The following FGD3 variants were observed in gnomAD, a reference collection of about 807,000 sequenced individuals.
FGD3 encodes the protein FYVE, RhoGEF and PH domain containing 3.
In FGD3, 45 loss-of-function variants were observed where a neutral mutation model predicts 71.8. That is an observed-to-expected ratio of 0.63 (90% CI 0.49 to 0.80). FGD3 has a LOEUF of 0.80. Ranked by LOEUF, FGD3 falls within the 30% of genes least tolerant of loss-of-function variation. The pLI is 0.00. For synonymous variants in FGD3, 378 were observed against 392.8 expected, an observed-to-expected ratio of 0.96 and a Z score of 0.44; for missense variants, 844 against 951.5, an observed-to-expected ratio of 0.89 and a Z score of 1.49.
chr9:93,014,843 T>C (rs1861602530), intron 9 of FGD3, among the ~76,000 whole-genome samples: 1 of 151,820 alleles, frequency 6.6e-6, no homozygotes, highest in South Asian at 2.1e-4. Context: ...GGTTTCACCA[T>C]GTTTATCAGT....
intron 3 of FGD3, among the ~76,000 whole-genome samples, chr9:92,987,185 C>G (rs1405757190): frequency 6.6e-6 from 1 of 152,134 alleles, no homozygotes; most frequent in Non-Finnish European, 1.5e-5. Flanking sequence ...GTAATGCCAG[C>G]ACTTTGGGAG....
At chr9:92,990,056 C>T (rs1289473447) in intron 3 of FGD3, among the ~76,000 whole-genome samples, 3 of 151,056 alleles carry the variant, frequency 2.0e-5, no homozygotes, top group Admixed American at 6.6e-5. Flanking sequence ...TACTGTTGTT[C>T]GTATATTGAT....
intron 3 of FGD3, among the ~76,000 whole-genome samples, chr9:92,984,232 C>T (rs1860106657): frequency 6.6e-6 from 1 of 152,210 alleles, no homozygotes; most frequent in South Asian, 2.1e-4. Flanking sequence ...CATGCTTGGA[C>T]TTTCTGACTT....
rs899334640 is a variant in FGD3, at chr9:93,034,450, A to G, written c.1786-91A>G. 52 of 1,459,742 alleles carry G rather than the reference A, an allele frequency of 3.6e-5. No homozygotes were observed. The East Asian group carries it at 1.2e-3, about 34-fold the overall frequency. 90.4% of individuals were successfully genotyped at this position (1,459,742 alleles called of 1,614,324 possible). On this transcript the variant is annotated intron_variant, in intron 16 of 17. Coordinates refer to ENST00000375482, the MANE Select transcript of FGD3 (RefSeq NM_001083536.2). ...ATGTCTCCACAGCCAGCTCCCCCCA[A>G]GCAGTGGCCCTGGCCCTACCCCAGC...
At position 93,035,367 on chromosome 9, in the gene FGD3, C is replaced by T. The variant is rs532178501; in HGVS notation, c.1956C>T (p.Leu652=). ...GCCGGCTGCCCCGCACCATCCCTCT[C>T]CCCAGCTGCAAACTGAGTGTGCCGG... is the stretch of plus-strand genomic sequence containing the variant. ...QDGRLPRTIP[L]PSCKLSVPDP... is the part of the protein sequence containing the mutation. The change falls in exon 18 of 18, where the codon CTC becomes CTT. Residue 652 remains leucine, a synonymous_variant. Transcript: ENST00000375482. 2.5e-6 allele frequency: 4 copies of T among 1,610,674 alleles called. No individual in the cohort carries two copies. The Admixed American group carries it at 6.7e-5, about 27-fold the overall frequency.
chr9:93,003,663 C>T lies in FGD3; in HGVS notation c.544-338C>T, dbSNP rs1860941673. On this transcript the variant is annotated intron_variant, in intron 4 of 17. Coordinates refer to ENST00000375482, the MANE Select transcript of FGD3 (RefSeq NM_001083536.2). The surrounding 1 kb of genome is among the most constrained non-coding windows in gnomAD (Gnocchi z 4.1). ...CCATGGAAGCTGGGGTTTTGACAGA[C>T]AGTGCTGCTGCTGTTTTTATCTCAC... is the stretch of plus-strand genomic sequence containing the variant. Among the ~76,000 whole-genome samples, 1 of 152,194 alleles carries T rather than the reference C, an allele frequency of 6.6e-6. No individual in the cohort carries two copies. Among genetic ancestry groups the T allele is most frequent in the African/African-American group, 2.4e-5 (1 of 41,446 alleles).
At chr9:92,960,033 T>A (rs994305016) in intron 1 of FGD3, among the ~76,000 whole-genome samples, 1 of 151,988 alleles carries the variant, frequency 6.6e-6, no homozygotes, top group Non-Finnish European at 1.5e-5. Flanking sequence ...TGTGTTCCCA[T>A]GTCTCCATAT....
At chr9:92,955,895 G>A (rs1859042329) in intron 1 of FGD3, among the ~76,000 whole-genome samples, 1 of 152,318 alleles carries the variant, frequency 6.6e-6, no homozygotes, top group African/African-American at 2.4e-5. Context: ...ATTCATGCAG[G>A]GGAATCATCA....
At chr9:92,990,543 G>A (rs1481144066) in intron 3 of FGD3, among the ~76,000 whole-genome samples, 1 of 152,206 alleles carries the variant, frequency 6.6e-6, no homozygotes, top group Non-Finnish European at 1.5e-5. Context: ...TCAGTAAGAT[G>A]TTAGCTGTGG....
intron 3 of FGD3, among the ~76,000 whole-genome samples, chr9:92,996,062 C>G (rs1339310304): frequency 1.3e-5 from 2 of 152,154 alleles, no homozygotes; most frequent in African/African-American, 2.4e-5. Context: ...GTACCAGCTC[C>G]TCTTTGTACC....
chr9:92,995,426 A>T (rs1009226225), intron 3 of FGD3, among the ~76,000 whole-genome samples: 2 of 152,172 alleles, frequency 1.3e-5, no homozygotes, highest in African/African-American at 2.4e-5. Context: ...GCAAACAGGG[A>T]CAATTTGACT....
chr9:93,014,522 G>C (rs938756088), intron 9 of FGD3, among the ~76,000 whole-genome samples: 1 of 132,724 alleles, frequency 7.5e-6, no homozygotes, highest in Admixed American at 7.9e-5. Flanking sequence ...TTCTTTGAAA[G>C]GTTTTTTTTT....
chr9:93,027,875 A>C (rs1474925749), intron 14 of FGD3, among the ~76,000 whole-genome samples: 1 of 151,428 alleles, frequency 6.6e-6, no homozygotes, highest in African/African-American at 2.4e-5. Flanking sequence ...ACGTGCCACC[A>C]CATCAGCTAA....
At chr9:93,013,768 G>A (rs984438309) in intron 8 of FGD3, 84 bp from the exon 9 acceptor site, 36 of 1,553,834 alleles carry the variant, frequency 2.3e-5, no homozygotes, top group African/African-American at 1.4e-4. Context: ...TCTGGGCCAC[G>A]GTTGCAGGGA....
intron 1 of FGD3, among the ~76,000 whole-genome samples, chr9:92,972,846 T>A (rs914948233): frequency 6.6e-6 from 1 of 152,176 alleles, no homozygotes; most frequent in Non-Finnish European, 1.5e-5. Context: ...CACTAGTTTT[T>A]CTTCTGCAAT....
At chr9:92,971,423 C>T (rs1859521686) in intron 1 of FGD3, among the ~76,000 whole-genome samples, 1 of 152,020 alleles carries the variant, frequency 6.6e-6, no homozygotes, top group African/African-American at 2.4e-5. Context: ...CCACACACCT[C>T]CTCACCTCTC....
intron 14 of FGD3, among the ~76,000 whole-genome samples, chr9:93,027,851 C>G (rs1007517612): frequency 2.7e-5 from 4 of 150,242 alleles, no homozygotes; most frequent in African/African-American, 7.4e-5. Context: ...CCCCAAATAT[C>G]TGGGACTACA....
chr9:93,014,787 G>C (rs915131363), intron 9 of FGD3, among the ~76,000 whole-genome samples: 4 of 152,018 alleles, frequency 2.6e-5, no homozygotes, highest in African/African-American at 4.8e-5. Flanking sequence ...GATTACAGGC[G>C]TGCGCCACCA....
intron 2 of FGD3, 33 bp downstream of exon 2, chr9:92,975,438 C>T (rs1418016703): frequency 6.6e-6 from 1 of 152,202 alleles, no homozygotes; most frequent in African/African-American, 2.4e-5. Flanking sequence ...CTTGCAGCCC[C>T]TAGGCTCCTC....
Sources: allele counts gnomAD v4.1 joint callset (sites outside exome capture counted in the v4.1 genomes callset), GRCh38; gene constraint gnomAD v4.1.1; non-coding constraint Gnocchi (gnomAD v3.1); transcripts MANE v1.5; gene names NCBI Gene and HGNC (gene_info 2026-07-23, HGNC 2026-07-21).